The following DNAAF9 variants were observed in gnomAD, a reference collection of about 807,000 sequenced individuals.
DNAAF9 encodes the protein shulin.
Under a neutral mutation model 167.0 loss-of-function variants are expected in DNAAF9, and 90 were observed. The ratio of observed to expected loss-of-function variants is 0.54; its 90% CI spans 0.45 to 0.64. DNAAF9 has a LOEUF of 0.64. DNAAF9 is among the 30% of genes least tolerant of loss of function. The pLI is 0.00. For missense variants in DNAAF9, 1,315 were observed against 1,442.2 expected (o/e 0.91, Z 1.43); for synonymous variants, 491 against 508.8 (o/e 0.96, Z 0.47).
chr20:3,366,494 C>T (rs934707684), intron 6 of DNAAF9, among the ~76,000 whole-genome samples: 1 of 152,146 alleles, frequency 6.6e-6, no homozygotes, highest in African/African-American at 2.4e-5. Flanking sequence ...GTAGATTTGG[C>T]ATAATCCCTA....
chr20:3,322,400 G>C (rs1200139154), intron 15 of DNAAF9, 138 bp from the exon 16 acceptor site: 2 of 771,560 alleles, frequency 2.6e-6, no homozygotes, highest in Non-Finnish European at 2.3e-6. Flanking sequence ...ACACTGGGTT[G>C]CATGTCTGTA....
chr20:3,355,507 G>A (rs2083272483), intron 7 of DNAAF9, among the ~76,000 whole-genome samples: 2 of 151,816 alleles, frequency 1.3e-5, no homozygotes, highest in South Asian at 2.1e-4. Context: ...CCAGGAGGTG[G>A]AGGCTGCAGT....
chr20:3,407,084 A>G (rs2084069737), intron 1 of DNAAF9, among the ~76,000 whole-genome samples: 1 of 152,132 alleles, frequency 6.6e-6, no homozygotes, highest in Non-Finnish European at 1.5e-5. Context: ...TCCCTGGGGA[A>G]GGCGAGTGAG....
At chr20:3,269,363 C>T (rs1346361156) in intron 30 of DNAAF9, among the ~76,000 whole-genome samples, 1 of 152,044 alleles carries the variant, frequency 6.6e-6, no homozygotes, top group Admixed American at 6.6e-5. Flanking sequence ...CATGCACAAC[C>T]ATGCTGGCTG....
chr20:3,375,055 TCTA>T lies in DNAAF9; in HGVS notation c.477_479del (p.Ser159del). The stretch of plus-strand genomic sequence containing the variant: ...CTTGGGAGCTGTAAGGAATGCCAAT[TCTA>T]CTACAGTCTCGAACCATGTCCACAA... On this transcript the variant is annotated inframe_deletion, in exon 5 of 37. Transcript: ENST00000252032. 1 of 1,608,208 alleles carries T rather than the reference TCTA, an allele frequency of 6.2e-7. No homozygotes were observed. Among genetic ancestry groups the T allele is most frequent in the Non-Finnish European group, 8.5e-7 (1 of 1,174,744 alleles).
At chr20:3,363,518 T>C (rs957263181) in intron 6 of DNAAF9, among the ~76,000 whole-genome samples, 12 of 147,036 alleles carry the variant, frequency 8.2e-5, no homozygotes, top group African/African-American at 2.8e-4. Context: ...AAAAGATTAA[T>C]GCAAAGCAAA....
chr20:3,350,120 A>G (rs569586326), intron 7 of DNAAF9, among the ~76,000 whole-genome samples: 1 of 141,690 alleles, frequency 7.1e-6, no homozygotes, highest in East Asian at 2.0e-4. Context: ...TGCCCAGACT[A>G]TCAGACACAC....
At chr20:3,284,154 A>G (rs900666806) in intron 27 of DNAAF9, among the ~76,000 whole-genome samples, 2 of 143,844 alleles carry the variant, frequency 1.4e-5, no homozygotes, top group Admixed American at 1.4e-4. Context: ...AGGAAGCACC[A>G]CGCTCAAGTT....
intron 1 of DNAAF9, among the ~76,000 whole-genome samples, chr20:3,390,214 T>C (rs6515810): frequency 0.25 from 37,370 of 151,852 alleles, 5,144 homozygotes; most frequent in African/African-American, 0.36. Context: ...TATTTAGAAG[T>C]GAAATGTCAC....
rs28582998 is a variant in DNAAF9 at position 3,310,106 on chromosome 20, C to T, written c.1678+4927G>A. Among the ~76,000 whole-genome samples, 13 of 150,978 alleles carry T rather than the reference C, an allele frequency of 8.6e-5. No individual in the cohort carries two copies. The East Asian group carries it at 2.6e-3, about 30-fold the overall frequency. On this transcript the variant is annotated intron_variant, in intron 20 of 36. Coordinates refer to ENST00000252032, the MANE Select transcript of DNAAF9 (RefSeq NM_001009984.3). The stretch of plus-strand genomic sequence containing the variant: ...ACTCGGGAGGCTGAGGCAGGGGAAT[C>T]GCTTAAACCTGGGAGGCAGAGGTTG...
intron 7 of DNAAF9, among the ~76,000 whole-genome samples, chr20:3,350,201 C>T (rs559418495): frequency 2.7e-4 from 37 of 139,438 alleles, no homozygotes; most frequent in South Asian, 2.4e-3. Context: ...AAATTCTGGC[C>T]AGGTATGGTG....
In DNAAF9 at chr20:3,332,492, C is replaced by T. The variant is rs1325167072; in HGVS notation, c.982-131G>A. 3 of 519,202 alleles carry T rather than the reference C, an allele frequency of 5.8e-6. No individual in the cohort carries two copies. In the African/African-American group the frequency reaches 5.9e-5, roughly 10 times the overall value. The allele number at this position is 519,202 out of a possible 1,614,324, so 32.2% of individuals were successfully genotyped here. ...TTTTTGAGACAGAGTCTTACTCTGT[C>T]ATGTAGGATGGAGTGCAGTGGCGCA... is the stretch of plus-strand genomic sequence containing the variant. On this transcript the variant is annotated intron_variant, in intron 10 of 36. Coordinates refer to ENST00000252032, the MANE Select transcript of DNAAF9 (RefSeq NM_001009984.3).
intron 30 of DNAAF9, among the ~76,000 whole-genome samples, chr20:3,269,791 A>G (rs574014531): frequency 1.3e-4 from 20 of 151,920 alleles, no homozygotes; most frequent in Admixed American, 2.0e-4. Context: ...CGTCTCTACT[A>G]AAAATACAAA....
At chr20:3,318,452 AG>A (rs772606433) in intron 16 of DNAAF9, 52 bp from the exon 17 acceptor site, 3 of 880,002 alleles carry the variant, frequency 3.4e-6, no homozygotes, top group Non-Finnish European at 5.8e-6. Flanking sequence ...AAACTTTCAG[AG>A]AAGTCCATAA....
chr20:3,259,362 T>C lies in DNAAF9; in HGVS notation c.3055+118A>G, dbSNP rs2068338153. The C allele has an allele frequency of 5.2e-6, 4 of 767,906 alleles. No homozygotes were observed. The East Asian group carries it at 9.9e-5, about 19-fold the overall frequency. 47.6% of individuals were successfully genotyped at this position (767,906 alleles called of 1,614,324 possible). ...GCGTGAAGGCCCAGGGTGGGGAAGG[T>C]TTCTGAGAGTCTGAGCAGCATCAGT... On this transcript the variant is annotated intron_variant, in intron 33 of 36. Transcript: ENST00000252032.
chr20:3,330,598 CTGAG>C (rs2069808100), intron 12 of DNAAF9, 44 bp downstream of exon 12: 2 of 1,155,492 alleles, frequency 1.7e-6, no homozygotes, highest in Non-Finnish European at 2.6e-6. Flanking sequence ...ACAGTCACAA[CTGAG>C]TAACTCAACT....
In DNAAF9 at chr20:3,293,921, G is replaced by A. The variant is rs181244611; in HGVS notation, c.2238+218C>T. Among the ~76,000 whole-genome samples the A allele has an allele frequency of 2.4e-3, 372 of 152,286 alleles. 3 individuals carry two copies. The highest frequency in any genetic ancestry group is 8.5e-3 in the African/African-American group (354 of 41,566). On this transcript the variant is annotated intron_variant, in intron 25 of 36. Transcript: ENST00000252032. ...GGCAAGATGCTAGGGTTTTGTCACT[G>A]TCATGAGGCTTGGCTGGGGTTAATG...
At chr20:3,320,524 G>C (rs1187018983) in intron 16 of DNAAF9, among the ~76,000 whole-genome samples, 2 of 152,170 alleles carry the variant, frequency 1.3e-5, no homozygotes, top group East Asian at 1.9e-4. Flanking sequence ...AGTCTAAGGA[G>C]AGAAGTCAGG....
intron 28 of DNAAF9, among the ~76,000 whole-genome samples, 200 bp downstream of exon 28, chr20:3,281,441 C>A (rs1403845773): frequency 6.6e-6 from 1 of 152,224 alleles, no homozygotes; most frequent in Non-Finnish European, 1.5e-5. Context: ...TTCTCCCTCA[C>A]AAAAGCTAAG....
Sources: allele counts gnomAD v4.1 joint callset (sites outside exome capture counted in the v4.1 genomes callset), GRCh38; gene constraint gnomAD v4.1.1; transcripts MANE v1.5; gene names NCBI Gene and HGNC (gene_info 2026-07-23, HGNC 2026-07-21).